The following LYPD6B variants were observed in gnomAD, a reference collection of about 807,000 sequenced individuals.
LYPD6B encodes LY6/PLAUR domain containing 6B.
Under a neutral mutation model 22.8 loss-of-function variants are expected in LYPD6B, and 17 were observed. That is an observed-to-expected ratio of 0.75 (90% CI 0.51 to 1.12). The LOEUF is 1.12. LYPD6B is among the 50% of genes most tolerant of loss of function. LYPD6B has a pLI of 0.00. For synonymous variants in LYPD6B, 106 were observed against 91.6 expected (o/e 1.16, Z -0.90); for missense variants, 221 against 258.3 (o/e 0.86, Z 0.99).
intron 3 of LYPD6B, chr2:149,200,514 G>A (rs1018058434): frequency 3.6e-5 from 4 of 110,910 alleles, no homozygotes; most frequent in African/African-American, 1.4e-4. Flanking sequence ...ATGGCCTGGG[G>A]AATATAACAA....
intron 1 of LYPD6B, among the ~76,000 whole-genome samples, chr2:149,084,091 T>G (rs1685273508): frequency 6.8e-6 from 1 of 147,914 alleles, no homozygotes; most frequent in African/African-American, 2.5e-5. Flanking sequence ...AGAGCGAGAC[T>G]CCATCTCAAA....
chr2:149,092,342 G>A (rs1307810143), intron 1 of LYPD6B, among the ~76,000 whole-genome samples: 3 of 152,162 alleles, frequency 2.0e-5, no homozygotes, highest in Non-Finnish European at 2.9e-5. Flanking sequence ...TGTGAATGTG[G>A]TGAGAGTTGC....
intron 3 of LYPD6B, among the ~76,000 whole-genome samples, chr2:149,203,235 T>C (rs1693286176): frequency 6.6e-6 from 1 of 152,188 alleles, no homozygotes; most frequent in Non-Finnish European, 1.5e-5. Context: ...GGTCCCATAG[T>C]TGCTTAGTAG....
At chr2:149,092,842 C>T (rs563086305) in intron 1 of LYPD6B, among the ~76,000 whole-genome samples, 3 of 152,290 alleles carry the variant, frequency 2.0e-5, no homozygotes, top group African/African-American at 4.8e-5. Flanking sequence ...TTGTGAAGCC[C>T]ACCTCAAGGT....
chr2:149,208,740 T>C (rs1356255931), intron 5 of LYPD6B, among the ~76,000 whole-genome samples: 1 of 152,234 alleles, frequency 6.6e-6, no homozygotes, highest in Non-Finnish European at 1.5e-5. Flanking sequence ...TTGAGATACA[T>C]TGATATTTGG....
At chr2:149,113,618 G>A (rs1475903098) in intron 1 of LYPD6B, among the ~76,000 whole-genome samples, 1 of 152,144 alleles carries the variant, frequency 6.6e-6, no homozygotes, top group Non-Finnish European at 1.5e-5. Context: ...GCTTTCATGT[G>A]TATATGCTGT....
rs558456768 is a variant in LYPD6B at position 149,137,294 on chromosome 2, GTTA to G, written c.5+6347_5+6349del. On this transcript the variant is annotated intron_variant, in intron 2 of 6. Coordinates refer to ENST00000409642, the MANE Select transcript of LYPD6B (RefSeq NM_177964.5). ...TTAAGTGTGTTCCAAAGCTCAGGCT[GTTA>G]TTATTTTATTTTTAAGATACTCCAG... Among the ~76,000 whole-genome samples the G allele has an allele frequency of 2.0e-4, 31 of 152,272 alleles. 1 individual carries two copies. In the South Asian group the frequency reaches 6.4e-3, roughly 32 times the overall value.
At chr2:149,059,118 C>T (rs16826421) in intron 1 of LYPD6B, among the ~76,000 whole-genome samples, 1 of 152,112 alleles carries the variant, frequency 6.6e-6, no homozygotes, top group Non-Finnish European at 1.5e-5. Flanking sequence ...CAGTAATAAC[C>T]ACCTGTCAGC....
chr2:149,063,051 G>A (rs936519017), intron 1 of LYPD6B, among the ~76,000 whole-genome samples: 1 of 151,644 alleles, frequency 6.6e-6, no homozygotes, highest in African/African-American at 2.4e-5. Flanking sequence ...ATTAAGCACA[G>A]CCTTTGCATT....
chr2:149,102,214 A>G lies in LYPD6B; in HGVS notation c.-66-28669A>G, dbSNP rs76493739. Among the ~76,000 whole-genome samples the G allele has an allele frequency of 4.2e-3, 634 of 152,368 alleles. 4 individuals are homozygous for G. The highest frequency in any genetic ancestry group is 0.022 in the East Asian group (115 of 5,190). On this transcript the variant is annotated intron_variant, in intron 1 of 6. Coordinates refer to ENST00000409642, the MANE Select transcript of LYPD6B (RefSeq NM_177964.5). ...TAAAATGAATGAATCACTTTAAAAA[A>G]GTAGTTCATAAATAATAATGATGGG...
At chr2:149,112,217 A>C (rs899117492) in intron 1 of LYPD6B, among the ~76,000 whole-genome samples, 1 of 152,204 alleles carries the variant, frequency 6.6e-6, no homozygotes, top group Non-Finnish European at 1.5e-5. Context: ...AGGAGATATG[A>C]AAAAAAGTTC....
At chr2:149,184,468 T>C (rs1575140228) in intron 3 of LYPD6B, among the ~76,000 whole-genome samples, 2 of 152,194 alleles carry the variant, frequency 1.3e-5, no homozygotes, top group East Asian at 3.9e-4. Flanking sequence ...TTTCATGAGC[T>C]ACCATTGCCA....
intron 3 of LYPD6B, among the ~76,000 whole-genome samples, chr2:149,183,054 T>A (rs1242390383): frequency 6.6e-6 from 1 of 152,222 alleles, no homozygotes. Flanking sequence ...GATAAATTCT[T>A]ATCAGGGAAA....
At chr2:149,205,541 A>G in intron 4 of LYPD6B, 137 bp downstream of exon 4, 2 of 941,252 alleles carry the variant, frequency 2.1e-6, no homozygotes, top group East Asian at 2.4e-5. Flanking sequence ...GAAAGTCTCC[A>G]TTACTTCTAT....
chr2:149,190,822 G>A (rs1269550481), intron 3 of LYPD6B, among the ~76,000 whole-genome samples: 1 of 152,094 alleles, frequency 6.6e-6, no homozygotes, highest in Non-Finnish European at 1.5e-5. Flanking sequence ...TGTGATAGGA[G>A]TTGAAAATAT....
chr2:149,147,605 C>T (rs978809994), intron 2 of LYPD6B, among the ~76,000 whole-genome samples: 2 of 152,142 alleles, frequency 1.3e-5, no homozygotes, highest in African/African-American at 2.4e-5. Flanking sequence ...CCTCTACCTT[C>T]CAGGTTCAAG....
At chr2:149,154,572 C>A (rs1028880231) in intron 2 of LYPD6B, among the ~76,000 whole-genome samples, 19 of 152,080 alleles carry the variant, frequency 1.2e-4, no homozygotes, top group African/African-American at 4.1e-4. Flanking sequence ...AATTTACCAA[C>A]CAGCTCCATC....
intron 1 of LYPD6B, among the ~76,000 whole-genome samples, chr2:149,048,936 C>T (rs1241918761): frequency 6.6e-6 from 1 of 152,150 alleles, no homozygotes; most frequent in Non-Finnish European, 1.5e-5. Context: ...TTTTGGGCCC[C>T]AGTGTTTCAA....
intron 1 of LYPD6B, among the ~76,000 whole-genome samples, chr2:149,128,702 A>G (rs531152427): frequency 1.3e-5 from 2 of 152,356 alleles, no homozygotes; most frequent in African/African-American, 4.8e-5. Flanking sequence ...TAACCTTACA[A>G]AACAAGTCAA....
Sources: allele counts gnomAD v4.1 joint callset (sites outside exome capture counted in the v4.1 genomes callset), GRCh38; gene constraint gnomAD v4.1.1; transcripts MANE v1.5; gene names NCBI Gene and HGNC (gene_info 2026-07-23, HGNC 2026-07-21).